The following FOXN3 variants were observed in gnomAD, a reference collection of about 807,000 sequenced individuals.
FOXN3 encodes forkhead box protein N3.
Under a neutral mutation model 38.4 loss-of-function variants are expected in FOXN3, and 7 were observed. The ratio of observed to expected loss-of-function variants is 0.18; its 90% CI spans 0.10 to 0.34. The LOEUF (loss-of-function observed/expected upper bound fraction) is 0.34, where lower values mean the gene tolerates loss of function less well. Among genes scored for constraint, FOXN3 ranks in the 10% least tolerant of loss-of-function variants. The pLI is 1.00. For synonymous variants in FOXN3, 230 were observed against 242.2 expected, an observed-to-expected ratio of 0.95 and a Z score of 0.47; for missense variants, 456 against 613.4, an observed-to-expected ratio of 0.74 and a Z score of 2.71.
chr14:89,408,090 G>A (rs979183373), intron 2 of FOXN3, among the ~76,000 whole-genome samples: 1 of 152,136 alleles, frequency 6.6e-6, no homozygotes, highest in African/African-American at 2.4e-5. Flanking sequence ...ACTCATTCAT[G>A]AGAACATGCT....
At chr14:89,196,342 G>A (rs1000439659) in intron 4 of FOXN3, among the ~76,000 whole-genome samples, 2 of 152,124 alleles carry the variant, frequency 1.3e-5, no homozygotes, top group East Asian at 1.9e-4. Flanking sequence ...CTTCTCCTCC[G>A]TGGACAGGAC....
At chr14:89,334,262 G>A (rs551880043) in intron 3 of FOXN3, among the ~76,000 whole-genome samples, 7 of 151,536 alleles carry the variant, frequency 4.6e-5, no homozygotes, top group South Asian at 4.2e-4. Context: ...GGAGTGAGGC[G>A]GGCTGGGGGA....
chr14:89,595,289 C>T (rs1368232658), intron 1 of FOXN3, among the ~76,000 whole-genome samples: 1 of 151,730 alleles, frequency 6.6e-6, no homozygotes, highest in East Asian at 1.9e-4. Flanking sequence ...CACGCCACTG[C>T]ACTCCAGCCT....
intron 1 of FOXN3, among the ~76,000 whole-genome samples, chr14:89,430,741 T>C (rs1169582443): frequency 6.6e-6 from 1 of 152,240 alleles, no homozygotes. Context: ...ATTATGTATT[T>C]TTAAACCACT....
chr14:89,512,005 AACT>A (rs1290603625), intron 1 of FOXN3, among the ~76,000 whole-genome samples: 2 of 152,186 alleles, frequency 1.3e-5, no homozygotes, highest in African/African-American at 2.4e-5. Context: ...GGATTAAGGG[AACT>A]ACAATTCAAG....
intron 1 of FOXN3, among the ~76,000 whole-genome samples, chr14:89,564,832 C>G (rs888389236): frequency 2.0e-5 from 3 of 152,060 alleles, no homozygotes; most frequent in Admixed American, 2.0e-4. Flanking sequence ...GTGGCTCATG[C>G]CTGTAATCCC....
At position 89,412,373 on chromosome 14, in the gene FOXN3, A is replaced by T. The variant is rs1050815091; in HGVS notation, c.104T>A (p.Leu35His). The T allele has an allele frequency of 2.5e-6, 4 of 1,614,184 alleles. No individual in the cohort carries two copies. The African/African-American group carries it at 5.3e-5, about 22-fold the overall frequency. ...CYGGSGFSKA[L>H]QEDDDLDFSL... ...AAAGTCGAGGTCATCGTCTTCCTGAAGGGCCTTGGAGAAACCGCTGCCCCC... is the reference window on the plus strand; with the variant it reads ...AAAGTCGAGGTCATCGTCTTCCTGATGGGCCTTGGAGAAACCGCTGCCCCC... Residue 35 changes from leucine to histidine, a missense_variant, in exon 2 of 6, where the codon CTT becomes CAT. Leu to His is a moderately conservative substitution (Grantham distance 99, BLOSUM62 -3). Transcript: ENST00000557258. The surrounding 1 kb of genome is among the most constrained non-coding windows in gnomAD (Gnocchi z 4.7).
rs542008664 is a variant in FOXN3, at chr14:89,177,538, A to ACTGGGG, written c.851+3157_851+3162dup. ...CCCACCCTTCTACTCTGTTTCCCAA[A>ACTGGGG]CTGGGGCTGGGGCTGGGGCTGGGGC... On this transcript the variant is annotated intron_variant, in intron 5 of 5. Transcript: ENST00000557258. 7.9e-4 allele frequency among the ~76,000 whole-genome samples: 111 copies of ACTGGGG among 140,280 alleles called. 1 individual carries two copies. The East Asian group carries it at 0.01, about 13-fold the overall frequency. The allele number at this position is 140,280 out of a possible 152,430, so 92.0% of individuals were successfully genotyped here.
intron 1 of FOXN3, among the ~76,000 whole-genome samples, chr14:89,590,308 G>A (rs1429556651): frequency 6.6e-6 from 1 of 152,100 alleles, no homozygotes; most frequent in Non-Finnish European, 1.5e-5. Context: ...AACCCACAGG[G>A]ACAATGAGAA....
chr14:89,325,799 C>T (rs143206175), intron 3 of FOXN3, among the ~76,000 whole-genome samples: 138 of 152,266 alleles, frequency 9.1e-4, no homozygotes, highest in Non-Finnish European at 1.7e-3. Context: ...GTGTGAGTCC[C>T]AAGATGATGC....
intron 2 of FOXN3, among the ~76,000 whole-genome samples, chr14:89,367,015 T>C (rs1370409686): frequency 1.3e-5 from 2 of 152,248 alleles, no homozygotes; most frequent in Non-Finnish European, 2.9e-5. Flanking sequence ...AGGGTGTGTG[T>C]ACTAAGCCAG....
chr14:89,596,896 T>C (rs1057499008), intron 1 of FOXN3, among the ~76,000 whole-genome samples: 4 of 152,216 alleles, frequency 2.6e-5, no homozygotes, highest in African/African-American at 9.6e-5. Context: ...TATTTTTTCT[T>C]GATTAGTCTC....
intron 1 of FOXN3, among the ~76,000 whole-genome samples, chr14:89,571,093 A>G (rs1053865082): frequency 3.9e-5 from 6 of 152,192 alleles, no homozygotes; most frequent in African/African-American, 1.4e-4. Context: ...TTCAAAACCT[A>G]CAGACTCTTA....
chr14:89,177,807 C>T (rs1384475251), intron 5 of FOXN3, among the ~76,000 whole-genome samples: 1 of 152,130 alleles, frequency 6.6e-6, no homozygotes, highest in Admixed American at 6.5e-5. Context: ...CCATCAGAGG[C>T]TGCTTCCTAG....
Position 89,162,941 on chromosome 14 carries a change from T to C in FOXN3, c.880A>G (p.Thr294Ala). 6.4e-7 allele frequency: 1 copy of C among 1,574,504 alleles called. No individual in the cohort carries two copies. Among genetic ancestry groups the C allele is most frequent in the East Asian group, 2.3e-5 (1 of 44,214 alleles). Residue 294 changes from threonine (T) to alanine (A), a missense_variant, in exon 6 of 6, where the codon ACT becomes GCT. Transcript: ENST00000557258. The surrounding 1 kb of genome is among the most constrained non-coding windows in gnomAD (Gnocchi z 7.2). ...RNGITSCRMR[T>A]ESEPSCGSPV... ...GAGCCACAAGATGGCTCACTCTCAG[T>C]CCGCATCCGGCAGCTGGTGATGCCA...
At chr14:89,524,914 C>T (rs958256277) in intron 1 of FOXN3, among the ~76,000 whole-genome samples, 9 of 152,150 alleles carry the variant, frequency 5.9e-5, no homozygotes, top group Admixed American at 1.3e-4. Flanking sequence ...ACCATACTGA[C>T]GCTTTGACTG....
intron 2 of FOXN3, among the ~76,000 whole-genome samples, chr14:89,369,899 T>C (rs989373433): frequency 7.2e-5 from 11 of 152,234 alleles, no homozygotes; most frequent in African/African-American, 2.2e-4. Context: ...TTAACGAATT[T>C]GTCTAAGGTG....
chr14:89,521,041 C>T (rs1383204967), intron 1 of FOXN3, among the ~76,000 whole-genome samples: 4 of 152,222 alleles, frequency 2.6e-5, no homozygotes, highest in East Asian at 1.9e-4. Flanking sequence ...AGGCTGGGCA[C>T]GGTGGCTCAC....
intron 1 of FOXN3, among the ~76,000 whole-genome samples, chr14:89,513,746 C>T (rs1327468881): frequency 6.6e-6 from 1 of 152,098 alleles, no homozygotes; most frequent in Non-Finnish European, 1.5e-5. Flanking sequence ...AGGCATGCAC[C>T]ACCACATCCG....
Sources: gnomAD v4.1 joint callset for allele counts (sites outside exome capture counted in the v4.1 genomes callset) on GRCh38, gnomAD v4.1.1 for gene constraint, Gnocchi (gnomAD v3.1) non-coding constraint, MANE v1.5 for transcripts, NCBI Gene and HGNC (gene_info 2026-07-23, HGNC 2026-07-21) for gene names.